The following TMEM65 variants were observed in gnomAD, a reference collection of about 807,000 sequenced individuals.
The protein encoded by TMEM65 is transmembrane protein 65.
In TMEM65, 22 loss-of-function variants were observed where a neutral mutation model predicts 25.4. The observed-to-expected ratio is 0.86, with a 90% CI of 0.62 to 1.23. The LOEUF is 1.23. TMEM65 is among the 50% of genes most tolerant of loss of function. TMEM65 has a pLI of 0.00. For missense variants in TMEM65, 262 were observed against 308.2 expected, an observed-to-expected ratio of 0.85 and a Z score of 1.12; for synonymous variants, 132 against 126.2, an observed-to-expected ratio of 1.05 and a Z score of -0.31.
chr8:124,364,843 C>G (rs1282691867), intron 1 of TMEM65, among the ~76,000 whole-genome samples: 1 of 152,156 alleles, frequency 6.6e-6, no homozygotes, highest in East Asian at 1.9e-4. Flanking sequence ...AAGCTACATA[C>G]TAACTAATTC....
intron 1 of TMEM65, among the ~76,000 whole-genome samples, chr8:124,347,744 G>A (rs1266997416): frequency 6.6e-6 from 1 of 152,110 alleles, no homozygotes; most frequent in Non-Finnish European, 1.5e-5. Context: ...TAACAGCTGA[G>A]GACAGGAGTT....
At chr8:124,342,006 A>G (rs1814588925) in intron 1 of TMEM65, among the ~76,000 whole-genome samples, 2 of 152,064 alleles carry the variant, frequency 1.3e-5, no homozygotes, top group African/African-American at 4.8e-5. Flanking sequence ...TTTGAGTTTC[A>G]TTTGTATGGA....
At chr8:124,359,454 C>T (rs115726498) in intron 1 of TMEM65, among the ~76,000 whole-genome samples, 22 of 152,260 alleles carry the variant, frequency 1.4e-4, no homozygotes, top group African/African-American at 4.8e-4. Context: ...ATTTTTACTG[C>T]CTCTTTTTAA....
intron 1 of TMEM65, among the ~76,000 whole-genome samples, chr8:124,345,726 G>C (rs974226251): frequency 7.6e-6 from 1 of 131,886 alleles, no homozygotes; most frequent in Non-Finnish European, 1.7e-5. Context: ...TATAAAGAAA[G>C]GAGGTTTATT....
chr8:124,316,602 G>GAC (rs998858927), intron 6 of TMEM65, among the ~76,000 whole-genome samples: 2 of 151,992 alleles, frequency 1.3e-5, no homozygotes, highest in African/African-American at 2.4e-5. Flanking sequence ...TACACACGCA[G>GAC]ACACACACAC....
chr8:124,368,655 T>C (rs1287740641), intron 1 of TMEM65, among the ~76,000 whole-genome samples: 1 of 152,198 alleles, frequency 6.6e-6, no homozygotes. Context: ...GGCAGCCCTG[T>C]GGAGGACCAC....
At chr8:124,337,645 A>AT (rs1257448179) in intron 1 of TMEM65, among the ~76,000 whole-genome samples, 1 of 151,778 alleles carries the variant, frequency 6.6e-6, no homozygotes, top group Non-Finnish European at 1.5e-5. Context: ...GTTAAATAAG[A>AT]TAAGACAGTT....
At chr8:124,322,807 C>T (rs1197251869) in intron 4 of TMEM65, among the ~76,000 whole-genome samples, 1 of 151,988 alleles carries the variant, frequency 6.6e-6, no homozygotes, top group African/African-American at 2.4e-5. Context: ...ACCATCCTGG[C>T]CAACATGGTG....
At chr8:124,351,874 C>T (rs1349953523) in intron 1 of TMEM65, among the ~76,000 whole-genome samples, 4 of 152,226 alleles carry the variant, frequency 2.6e-5, no homozygotes, top group Non-Finnish European at 5.9e-5. Context: ...ACTCCATTTA[C>T]ACTTCCCAGA....
rs568145971 is a variant in TMEM65, at chr8:124,357,142, A to T, written c.304+14712T>A. Among the ~76,000 whole-genome samples the T allele has an allele frequency of 4.6e-5, 7 of 151,384 alleles. No individual in the cohort carries two copies. The East Asian group carries it at 1.4e-3, about 29-fold the overall frequency. On this transcript the variant is annotated intron_variant, in intron 1 of 6. Coordinates refer to ENST00000297632, the MANE Select transcript of TMEM65 (RefSeq NM_194291.3). Reference sequence around the variant, plus strand: ...TTCTTCTTCCTGTTCTCTTCCAATAAACACTGGTGTTTTTCAGCATTTTCT... The same window carrying T: ...TTCTTCTTCCTGTTCTCTTCCAATATACACTGGTGTTTTTCAGCATTTTCT...
At position 124,309,867 on chromosome 8, in the gene TMEM65, A is replaced by G. The variant is rs1430607711; in HGVS notation, c.*4093T>C. 6.6e-6 allele frequency: 1 copy of G among 152,176 alleles called. No homozygotes were observed. The highest frequency in any genetic ancestry group is 1.5e-5 in the Non-Finnish European group (1 of 68,086). The allele number at this position is 152,176 out of a possible 1,614,324, so 9.4% of individuals were successfully genotyped here. A position where few individuals can be genotyped will look rare whatever the true frequency, so the allele number is the denominator to read the frequency against. On this transcript the variant is annotated 3_prime_UTR_variant, in exon 7 of 7. Transcript: ENST00000297632. Reference sequence around the variant, plus strand: ...GGAGTCTGAGGCCAGCCTGGCCAACATGGTGAAACCCCGTTTCTACTAAAA... The same window carrying G: ...GGAGTCTGAGGCCAGCCTGGCCAACGTGGTGAAACCCCGTTTCTACTAAAA...
Position 124,360,131 on chromosome 8 carries a change from T to C in TMEM65, c.304+11723A>G, listed in dbSNP as rs576365493. Among the ~76,000 whole-genome samples the C allele has an allele frequency of 9.6e-4, 146 of 151,836 alleles. 2 individuals carry two copies. The highest frequency in any genetic ancestry group is 3.4e-3 in the African/African-American group (140 of 41,420). On this transcript the variant is annotated intron_variant, in intron 1 of 6. Coordinates refer to ENST00000297632, the MANE Select transcript of TMEM65 (RefSeq NM_194291.3). ...AACTCTTCTGAAAAAGAAATTTACA[T>C]CTATAAAAAAAAATCTCGGCCAGGC...
chr8:124,319,469 C>T (rs996827510), intron 6 of TMEM65, among the ~76,000 whole-genome samples: 1 of 152,116 alleles, frequency 6.6e-6, no homozygotes, highest in South Asian at 2.1e-4. Context: ...GCTGCTTATA[C>T]CTACAGCTAC....
intron 6 of TMEM65, among the ~76,000 whole-genome samples, chr8:124,314,734 G>T (rs1814212399): frequency 6.6e-6 from 1 of 152,080 alleles, no homozygotes; most frequent in South Asian, 2.1e-4. Flanking sequence ...CCATCTTCCT[G>T]ATCTCTTCCC....
At chr8:124,369,928 A>G (rs1814990276) in intron 1 of TMEM65, among the ~76,000 whole-genome samples, 1 of 152,074 alleles carries the variant, frequency 6.6e-6, no homozygotes, top group Non-Finnish European at 1.5e-5. Context: ...GTTCTTTAGC[A>G]TATAAAGAGG....
intron 1 of TMEM65, among the ~76,000 whole-genome samples, chr8:124,338,188 T>C (rs1030187027): frequency 4.6e-5 from 7 of 152,112 alleles, no homozygotes; most frequent in Non-Finnish European, 8.8e-5. Context: ...CCCACATCTT[T>C]AAATTTTTTA....
chr8:124,353,603 A>G (rs1249072275), intron 1 of TMEM65, among the ~76,000 whole-genome samples: 2 of 152,182 alleles, frequency 1.3e-5, no homozygotes. Context: ...TGAGAAAAAA[A>G]AAGAGTCTCT....
At chr8:124,352,909 T>A (rs1467768915) in intron 1 of TMEM65, among the ~76,000 whole-genome samples, 1 of 152,080 alleles carries the variant, frequency 6.6e-6, no homozygotes, top group Admixed American at 6.6e-5. Context: ...GGCAGATCAC[T>A]TGAGGTCAGG....
chr8:124,366,089 T>C (rs973301311), intron 1 of TMEM65, among the ~76,000 whole-genome samples: 10 of 152,084 alleles, frequency 6.6e-5, no homozygotes, highest in Admixed American at 4.6e-4. Context: ...AGTGTGGTGG[T>C]GTGTGCCTGT....
Sources: allele counts gnomAD v4.1 joint callset (sites outside exome capture counted in the v4.1 genomes callset), GRCh38; gene constraint gnomAD v4.1.1; transcripts MANE v1.5; gene names NCBI Gene and HGNC (gene_info 2026-07-23, HGNC 2026-07-21).